The following RABGAP1L variants were observed in gnomAD, a reference collection of about 807,000 sequenced individuals.
The protein encoded by RABGAP1L is RAB GTPase activating protein 1 like, also known as rab GTPase-activating protein 1-like.
Under a neutral mutation model 137.7 loss-of-function variants are expected in RABGAP1L, and 63 were observed. The observed-to-expected ratio is 0.46, with a 90% CI of 0.37 to 0.56. RABGAP1L has a LOEUF of 0.56. Among genes scored for constraint, RABGAP1L ranks in the 20% least tolerant of loss-of-function variants. RABGAP1L has a pLI of 0.00. For synonymous variants in RABGAP1L, 431 were observed against 433.7 expected, an observed-to-expected ratio of 0.99 and a Z score of 0.08; for missense variants, 1,095 against 1,244.0, an observed-to-expected ratio of 0.88 and a Z score of 1.80.
At chr1:174,189,439 C>G (rs992204717) in intron 1 of RABGAP1L, among the ~76,000 whole-genome samples, 1 of 152,358 alleles carries the variant, frequency 6.6e-6, no homozygotes, top group African/African-American at 2.4e-5. Context: ...TTAGTACTTA[C>G]TGCTTCACTT....
intron 1 of RABGAP1L, among the ~76,000 whole-genome samples, chr1:174,202,712 A>G (rs1384452634): frequency 1.3e-5 from 2 of 152,210 alleles, no homozygotes; most frequent in Admixed American, 6.5e-5. Context: ...TGTTTTAGAC[A>G]TGAAGTCCTT....
At chr1:174,384,089 C>T (rs764442136) in intron 12 of RABGAP1L, among the ~76,000 whole-genome samples, 10 of 152,184 alleles carry the variant, frequency 6.6e-5, no homozygotes, top group Non-Finnish European at 1.3e-4. Flanking sequence ...TGGAATGCTA[C>T]TGAGCAATTA....
At chr1:174,494,786 A>G (rs1192391118) in intron 13 of RABGAP1L, among the ~76,000 whole-genome samples, 1 of 152,146 alleles carries the variant, frequency 6.6e-6, no homozygotes, top group East Asian at 1.9e-4. Context: ...TAGGGGCTGC[A>G]GGAAGTACCT....
chr1:174,377,485 T>C lies in RABGAP1L; in HGVS notation c.1559+6413T>C, dbSNP rs528624140. ...ACTACAGTAGTCAAAAGAGTATTGA[T>C]ACAAGGATAGACACTGAGATTAGTG... On this transcript the variant is annotated intron_variant, in intron 12 of 25. Coordinates refer to ENST00000681986, the MANE Select transcript of RABGAP1L (RefSeq NM_001366446.1). Among the ~76,000 whole-genome samples, 202 of 152,278 alleles carry C rather than the reference T, an allele frequency of 1.3e-3. 2 individuals carry two copies. The highest frequency in any genetic ancestry group is 1.6e-4 in the Non-Finnish European group (11 of 68,010).
At chr1:174,435,771 C>T (rs1242964900) in intron 13 of RABGAP1L, among the ~76,000 whole-genome samples, 2 of 151,416 alleles carry the variant, frequency 1.3e-5, no homozygotes, top group African/African-American at 4.9e-5. Flanking sequence ...CGTCATTTAG[C>T]ATTAGGTACA....
In RABGAP1L at chr1:174,892,378, C is replaced by T. The variant is rs542985832; in HGVS notation, c.2341-65079C>T. ...GAGAGTCAGAGGGAGAAATTAGTTT[C>T]TATTTCCAGCTCCACCACTATAATC... On this transcript the variant is annotated intron_variant, in intron 19 of 25. Coordinates refer to ENST00000681986, the MANE Select transcript of RABGAP1L (RefSeq NM_001366446.1). 9.6e-5 allele frequency: 35 copies of T among 364,654 alleles called. 1 individual carries two copies. Among genetic ancestry groups the T allele is most frequent in the South Asian group, 6.8e-4 (31 of 45,768 alleles). The allele number at this position is 364,654 out of a possible 1,614,324, so 22.6% of individuals were successfully genotyped here. A position where few individuals can be genotyped will look rare whatever the true frequency, so the allele number is the denominator to read the frequency against.
chr1:174,744,559 C>T (rs1482310549), intron 17 of RABGAP1L, among the ~76,000 whole-genome samples: 7 of 152,116 alleles, frequency 4.6e-5, no homozygotes, highest in Non-Finnish European at 1.0e-4. Context: ...GTTATGTAAC[C>T]TCCTGATAGA....
chr1:174,163,978 A>G (rs1322244443), intron 1 of RABGAP1L, among the ~76,000 whole-genome samples: 1 of 152,168 alleles, frequency 6.6e-6, no homozygotes, highest in Non-Finnish European at 1.5e-5. Flanking sequence ...CAGGCATGGA[A>G]CATTTACTTT....
intron 13 of RABGAP1L, among the ~76,000 whole-genome samples, chr1:174,578,286 G>A (rs748636769): frequency 6.6e-6 from 1 of 152,162 alleles, no homozygotes; most frequent in Non-Finnish European, 1.5e-5. Context: ...CCAGGCTCAA[G>A]CAGTCCTCCT....
intron 1 of RABGAP1L, among the ~76,000 whole-genome samples, chr1:174,204,425 G>T (rs894073252): frequency 6.6e-6 from 1 of 152,118 alleles, no homozygotes; most frequent in Non-Finnish European, 1.5e-5. Context: ...AATTGCTCTG[G>T]CTAGGACTTC....
chr1:174,774,477 C>G (rs1255443774), intron 18 of RABGAP1L, among the ~76,000 whole-genome samples: 3 of 151,722 alleles, frequency 2.0e-5, no homozygotes, highest in African/African-American at 7.3e-5. Context: ...TGGCATTGCA[C>G]TCCGGTGATC....
At chr1:174,543,486 T>G (rs1214097405) in intron 13 of RABGAP1L, among the ~76,000 whole-genome samples, 8 of 152,158 alleles carry the variant, frequency 5.3e-5, no homozygotes, top group South Asian at 2.1e-4. Flanking sequence ...GCCTATGTGT[T>G]TCCCTGCCTG....
intron 13 of RABGAP1L, among the ~76,000 whole-genome samples, chr1:174,485,517 A>G (rs1266871203): frequency 6.6e-6 from 1 of 152,174 alleles, no homozygotes; most frequent in East Asian, 1.9e-4. Flanking sequence ...TGTTCCCTCT[A>G]TCCCCAGTTT....
intron 17 of RABGAP1L, among the ~76,000 whole-genome samples, chr1:174,749,520 G>T (rs1262022257): frequency 6.6e-6 from 1 of 151,974 alleles, no homozygotes; most frequent in Admixed American, 6.6e-5. Flanking sequence ...TTCTTGTAGA[G>T]ATGGGGTCTC....
intron 13 of RABGAP1L, among the ~76,000 whole-genome samples, chr1:174,487,173 T>A (rs748471401): frequency 1.3e-5 from 2 of 152,176 alleles, no homozygotes; most frequent in African/African-American, 4.8e-5. Context: ...TGATGTTTCC[T>A]TGTTGATTTT....
chr1:174,436,350 A>G (rs1439702860), intron 13 of RABGAP1L, among the ~76,000 whole-genome samples: 1 of 152,140 alleles, frequency 6.6e-6, no homozygotes, highest in Non-Finnish European at 1.5e-5. Flanking sequence ...CGCCATTCTA[A>G]CTGGTGTGAG....
chr1:174,211,838 A>G (rs567331181), intron 1 of RABGAP1L, among the ~76,000 whole-genome samples: 1 of 152,280 alleles, frequency 6.6e-6, no homozygotes, highest in South Asian at 2.1e-4. Context: ...CTATACTTCT[A>G]TCAGACAAAA....
chr1:174,172,910 A>C (rs527871731), intron 1 of RABGAP1L, among the ~76,000 whole-genome samples: 1 of 152,198 alleles, frequency 6.6e-6, no homozygotes, highest in South Asian at 2.1e-4. Flanking sequence ...TGTAGTATCC[A>C]CCAATATCAT....
intron 14 of RABGAP1L, among the ~76,000 whole-genome samples, chr1:174,657,002 T>C (rs1184999124): frequency 2.6e-5 from 4 of 152,180 alleles, no homozygotes; most frequent in African/African-American, 9.7e-5. Flanking sequence ...CACAAAGCCT[T>C]GAGCATGTAC....
Sources: allele counts gnomAD v4.1 joint callset (sites outside exome capture counted in the v4.1 genomes callset), GRCh38; gene constraint gnomAD v4.1.1; transcripts MANE v1.5; gene names NCBI Gene and HGNC (gene_info 2026-07-23, HGNC 2026-07-21).